The following CTNNBL1 variants were observed in gnomAD, a reference collection of about 807,000 sequenced individuals.
CTNNBL1 encodes catenin beta like 1, also known as beta-catenin-like protein 1.
In CTNNBL1, 31 loss-of-function variants were observed where a neutral mutation model predicts 72.7. The ratio of observed to expected loss-of-function variants is 0.43; its 90% CI spans 0.32 to 0.58. CTNNBL1 has a LOEUF of 0.58. Among genes scored for constraint, CTNNBL1 ranks in the 20% least tolerant of loss-of-function variants. The probability of loss-of-function intolerance (pLI) is 0.08; values close to 1 mark genes in which losing one functional copy is unlikely to be tolerated. For synonymous variants in CTNNBL1, 240 were observed against 267.3 expected (o/e 0.90, Z 1.00); for missense variants, 534 against 725.1 (o/e 0.74, Z 3.03).
At chr20:37,707,781 T>G (rs571364630) in intron 1 of CTNNBL1, among the ~76,000 whole-genome samples, 2 of 152,262 alleles carry the variant, frequency 1.3e-5, no homozygotes, top group Non-Finnish European at 2.9e-5. Flanking sequence ...CAACATCCTT[T>G]CCTCACTAAA....
intron 11 of CTNNBL1, among the ~76,000 whole-genome samples, chr20:37,815,315 CTTTTT>C (rs778453405): frequency 7.2e-6 from 1 of 139,028 alleles, no homozygotes. Flanking sequence ...TTGGCTCCTC[CTTTTT>C]TTTTTTTTTT....
chr20:37,744,961 A>T (rs2073249872), intron 3 of CTNNBL1, among the ~76,000 whole-genome samples: 1 of 152,204 alleles, frequency 6.6e-6, no homozygotes, highest in South Asian at 2.1e-4. Context: ...ACAGAATTTA[A>T]GAGTCTGTGA....
chr20:37,785,947 G>A (rs998769614), intron 10 of CTNNBL1, among the ~76,000 whole-genome samples: 1 of 152,224 alleles, frequency 6.6e-6, no homozygotes, highest in African/African-American at 2.4e-5. Flanking sequence ...GGTCACAGCA[G>A]CTGTGTCTGC....
chr20:37,728,154 C>T (rs1472146074), intron 1 of CTNNBL1, among the ~76,000 whole-genome samples: 5 of 152,150 alleles, frequency 3.3e-5, no homozygotes, highest in Non-Finnish European at 5.9e-5. Context: ...CCACTGGCCT[C>T]ATATGGCTGT....
At chr20:37,738,548 T>TA (rs2073188806) in intron 3 of CTNNBL1, among the ~76,000 whole-genome samples, 1 of 152,194 alleles carries the variant, frequency 6.6e-6, no homozygotes. Flanking sequence ...TCCCAGGACA[T>TA]ACAATTTTAA....
intron 11 of CTNNBL1, chr20:37,832,399 A>T (rs2072216942): frequency 6.6e-6 from 1 of 152,218 alleles, no homozygotes; most frequent in African/African-American, 2.4e-5. Context: ...AACAGATCTC[A>T]AACTGCTGTC....
intron 3 of CTNNBL1, among the ~76,000 whole-genome samples, chr20:37,740,591 C>T (rs566257753): frequency 3.3e-5 from 5 of 152,272 alleles, no homozygotes; most frequent in Admixed American, 3.3e-4. Flanking sequence ...GACAGAATTA[C>T]TTAGTTTACT....
chr20:37,749,525 T>C (rs546572781), intron 4 of CTNNBL1, among the ~76,000 whole-genome samples: 2 of 152,276 alleles, frequency 1.3e-5, no homozygotes, highest in East Asian at 3.9e-4. Context: ...CCCTCCTGTT[T>C]TCTGAGAGCT....
chr20:37,707,309 GT>G (rs2072894467), intron 1 of CTNNBL1, among the ~76,000 whole-genome samples: 2 of 152,208 alleles, frequency 1.3e-5, no homozygotes, highest in Admixed American at 1.3e-4. Flanking sequence ...ACAGAAGGCT[GT>G]TTTGTCAACA....
At chr20:37,855,664 C>T (rs1024639631) in intron 13 of CTNNBL1, among the ~76,000 whole-genome samples, 5 of 152,164 alleles carry the variant, frequency 3.3e-5, no homozygotes, top group Admixed American at 1.3e-4. Flanking sequence ...CCTCTCGATG[C>T]TCTAAGCCGA....
At chr20:37,766,319 G>GATCT (rs2073467784) in intron 6 of CTNNBL1, among the ~76,000 whole-genome samples, 2 of 152,208 alleles carry the variant, frequency 1.3e-5, no homozygotes, top group African/African-American at 4.8e-5. Flanking sequence ...AGTCTACAGA[G>GATCT]ATCTATTTGC....
chr20:37,850,951 G>C (rs1426026573), intron 13 of CTNNBL1, among the ~76,000 whole-genome samples: 1 of 152,218 alleles, frequency 6.6e-6, no homozygotes, highest in Non-Finnish European at 1.5e-5. Flanking sequence ...GATTAGAAAT[G>C]ACATCCGCAT....
Position 37,765,110 on chromosome 20 carries a change from A to G in CTNNBL1, c.565-87A>G, listed in dbSNP as rs867301482. The G allele has an allele frequency of 1.4e-4, 114 of 844,182 alleles. No homozygotes were observed. The Middle Eastern group carries it at 2.2e-3, about 16-fold the overall frequency. 52.3% of individuals were successfully genotyped at this position (844,182 alleles called of 1,614,324 possible). A position where few individuals can be genotyped will look rare whatever the true frequency, so the allele number is the denominator to read the frequency against. The stretch of plus-strand genomic sequence containing the variant: ...TTATTTACTTACTTTGTTCATTCAA[A>G]TAGTGGAGAAGTAAGTATGGGAACG... On this transcript the variant is annotated intron_variant, in intron 5 of 15. Coordinates refer to ENST00000361383, the MANE Select transcript of CTNNBL1 (RefSeq NM_030877.5).
chr20:37,811,219 C>A (rs1404691601), intron 11 of CTNNBL1, among the ~76,000 whole-genome samples: 1 of 152,144 alleles, frequency 6.6e-6, no homozygotes, highest in African/African-American at 2.4e-5. Flanking sequence ...AACCTCAGGT[C>A]CCTATTTCTC....
intron 1 of CTNNBL1, among the ~76,000 whole-genome samples, chr20:37,706,668 T>A (rs989957017): frequency 6.6e-6 from 1 of 152,254 alleles, no homozygotes; most frequent in African/African-American, 2.4e-5. Context: ...AATCAACTTC[T>A]TCTAAACTCC....
chr20:37,745,789 A>G (rs141167566), intron 3 of CTNNBL1, among the ~76,000 whole-genome samples: 45 of 152,328 alleles, frequency 3.0e-4, no homozygotes, highest in Middle Eastern at 6.8e-3. Flanking sequence ...CATTTCTTGT[A>G]TGTCAAACAC....
At chr20:37,827,680 G>T (rs2072171999) in intron 11 of CTNNBL1, among the ~76,000 whole-genome samples, 1 of 152,192 alleles carries the variant, frequency 6.6e-6, no homozygotes, top group Non-Finnish European at 1.5e-5. Context: ...CCGGGTGCAG[G>T]AGATTGTGCT....
At chr20:37,786,503 G>A (rs2073675237) in intron 10 of CTNNBL1, among the ~76,000 whole-genome samples, 1 of 152,080 alleles carries the variant, frequency 6.6e-6, no homozygotes, top group South Asian at 2.1e-4. Context: ...TCTTTTTTTA[G>A]AGAACCAACT....
At chr20:37,818,086 G>A (rs2072075484) in intron 11 of CTNNBL1, among the ~76,000 whole-genome samples, 1 of 152,218 alleles carries the variant, frequency 6.6e-6, no homozygotes, top group Admixed American at 6.5e-5. Flanking sequence ...CATTTAGGAA[G>A]TCTCTGTGCA....
Sources: gnomAD v4.1 joint callset for allele counts (sites outside exome capture counted in the v4.1 genomes callset) on GRCh38, gnomAD v4.1.1 for gene constraint, MANE v1.5 for transcripts, NCBI Gene and HGNC (gene_info 2026-07-23, HGNC 2026-07-21) for gene names.